Variants in GDPD2 observed in about 807,000 individuals in gnomAD.
GDPD2 encodes the protein glycerophosphodiester phosphodiesterase 3.
A neutral mutation model predicts 49.2 loss-of-function variants in GDPD2; 23 were observed. The ratio of observed to expected loss-of-function variants is 0.47; its 90% CI spans 0.34 to 0.66. GDPD2 has a LOEUF of 0.66. GDPD2 is among the 30% of genes least tolerant of loss of function. GDPD2 has a pLI of 0.01. For synonymous variants in GDPD2, 167 were observed against 171.4 expected, an observed-to-expected ratio of 0.97 and a Z score of 0.20; for missense variants, 338 against 424.7, an observed-to-expected ratio of 0.80 and a Z score of 1.79.
chrX:70,430,208 C>A, intron 12 of GDPD2, 145 bp downstream of exon 12: 1 of 524,656 alleles, frequency 1.9e-6, no homozygotes, highest in Non-Finnish European at 3.1e-6. Context: ...GGTAGTATTG[C>A]AGGCTTTGGG....
intron 3 of GDPD2, 67 bp from the exon 4 acceptor site, chrX:70,425,696 C>G: frequency 1.6e-6 from 1 of 636,969 alleles, no homozygotes. Flanking sequence ...CCACCCACCC[C>G]ACCTCCCCTC....
chrX:70,432,929 G>A lies in GDPD2; in HGVS notation c.1556G>A (p.Arg519Lys). 1 of 1,195,076 alleles carries A rather than the reference G, an allele frequency of 8.4e-7. No homozygotes were observed. Among genetic ancestry groups the A allele is most frequent in the Non-Finnish European group, 1.1e-6 (1 of 880,334 alleles). Residue 519 changes from arginine to lysine, a missense_variant, in exon 15 of 16, where the codon AGA becomes AAA. Physicochemically the swap from Arg to Lys is conservative, Grantham distance 26. Around this residue, in one of 3 missense-constraint regions of GDPD2, gnomAD observed 253 missense variants for 330.4 expected, o/e 0.77. Coordinates refer to ENST00000374382, the MANE Select transcript of GDPD2 (RefSeq NM_017711.4). ...FLLQRRFVKK[R>K]GKTGLETAVL... ...CCCCACAGAAGATTTGTTAAGAAGAGAGGGAAAACTGGTAAGAACTTTCTC... is the reference window on the plus strand; with the variant it reads ...CCCCACAGAAGATTTGTTAAGAAGAAAGGGAAAACTGGTAAGAACTTTCTC...
intron 12 of GDPD2, 78 bp from the exon 13 acceptor site, chrX:70,432,229 G>A: frequency 1.1e-6 from 1 of 903,293 alleles, no homozygotes; most frequent in Non-Finnish European, 1.6e-6. Context: ...GTAGATTCAA[G>A]CACAGGCAGG....
intron 12 of GDPD2, chrX:70,431,100 T>C (rs1427727981): frequency 8.7e-7 from 1 of 1,147,571 alleles, no homozygotes; most frequent in Non-Finnish European, 1.2e-6. Context: ...CTCCCGGTTA[T>C]AAGCATGAGC....
At chrX:70,427,045 AG>A in intron 8 of GDPD2, 34 bp downstream of exon 8, 1 of 576,091 alleles carries the variant, frequency 1.7e-6, no homozygotes, top group Non-Finnish European at 2.8e-6. Context: ...GAGGGTGGGG[AG>A]GGTCTGCTCG....
intron 1 of GDPD2, among the ~76,000 whole-genome samples, chrX:70,423,968 A>G (rs1404380262): frequency 1.8e-5 from 2 of 111,414 alleles, no homozygotes; most frequent in African/African-American, 6.5e-5. Flanking sequence ...CTAAAATCAT[A>G]TTGTACCGAC....
intron 1 of GDPD2, among the ~76,000 whole-genome samples, chrX:70,423,916 CTT>C (rs2086399538): frequency 8.9e-6 from 1 of 111,785 alleles, no homozygotes; most frequent in Non-Finnish European, 1.9e-5. Flanking sequence ...TGCTCACACA[CTT>C]TGGGTGTATC....
chrX:70,426,392 C>T lies in GDPD2; in HGVS notation c.385C>T (p.Leu129=), dbSNP rs1381876250. The part of the protein sequence containing the change: ...LHKVLLLLIM[L]LVAAGLVGLD... ...CCAGGTGCTGCTGCTCCTCATTATG[C>T]TGCTTGTGGCGGCTGGCCTTGTGGG... The change falls in exon 6 of 16, where the codon CTG becomes TTG. Residue 129 remains leucine, a synonymous_variant. Coordinates refer to ENST00000374382, the MANE Select transcript of GDPD2 (RefSeq NM_017711.4). 8.3e-6 allele frequency: 10 copies of T among 1,210,341 alleles called. No individual in the cohort carries two copies. Among genetic ancestry groups the T allele is most frequent in the Non-Finnish European group, 1.1e-5 (10 of 895,034 alleles).
chrX:70,429,201 A>G (rs1306410805), intron 10 of GDPD2, among the ~76,000 whole-genome samples: 1 of 111,665 alleles, frequency 9.0e-6, no homozygotes, highest in African/African-American at 3.3e-5. Flanking sequence ...GCAGCTAGAA[A>G]GGGGCTGATG....
In GDPD2 at chrX:70,427,396, C is replaced by G. The variant is rs777478487; in HGVS notation, c.869C>G (p.Thr290Arg). ...NVASVFPTRITAHSSDFSWTE... is the reference protein window; with the variant it reads ...NVASVFPTRIRAHSSDFSWTE... ...GCCTCTGTATTCCCAACCCGAATCA[C>G]AGCCCACAGCAGTGACTTCTCCTGG... The change falls in exon 10 of 16, where the codon ACA (threonine) becomes AGA (arginine). Residue 290 changes from threonine (T) to arginine (R), a missense_variant. Around this residue, in one of 3 missense-constraint regions of GDPD2, gnomAD observed 253 missense variants for 330.4 expected, o/e 0.77. Transcript: ENST00000374382. The G allele has an allele frequency of 2.5e-6, 3 of 1,207,950 alleles. No individual in the cohort carries two copies. Among genetic ancestry groups the G allele is most frequent in the Admixed American group, 2.2e-5 (1 of 46,050 alleles).
intron 6 of GDPD2, 61 bp downstream of exon 6, chrX:70,426,530 T>C (rs1358893683): frequency 1.8e-6 from 2 of 1,082,994 alleles, no homozygotes; most frequent in Non-Finnish European, 2.6e-6. Flanking sequence ...CCCTAGAACA[T>C]ATCTCGCTCC....
chrX:70,426,866 G>A lies in GDPD2; in HGVS notation c.557G>A (p.Gly186Asp). The change falls in exon 8 of 16, where the codon GGT becomes GAT. Residue 186 changes from glycine (G) to aspartate (D), a missense_variant and splice_region_variant. This residue lies in a region of GDPD2 where 253 missense variants were observed against 330.4 expected (regional missense o/e 0.77). Coordinates refer to ENST00000374382, the MANE Select transcript of GDPD2 (RefSeq NM_017711.4). ...AAAGCCTGTCCCCCACTCCCCACAGGTCCCAAGATTCTGCTACTGCTCCTA... is the reference window on the plus strand; with the variant it reads ...AAAGCCTGTCCCCCACTCCCCACAGATCCCAAGATTCTGCTACTGCTCCTA... ...ADTFYRIHRR[G>D]PKILLLLLFF... is the part of the protein sequence containing the mutation. 8.3e-7 allele frequency: 1 copy of A among 1,210,391 alleles called. No homozygotes were observed. Among genetic ancestry groups the A allele is most frequent in the Non-Finnish European group, 1.1e-6 (1 of 894,375 alleles).
intron 1 of GDPD2, 81 bp downstream of exon 1, chrX:70,423,463 C>T (rs1347342033): frequency 3.6e-5 from 4 of 111,844 alleles, no homozygotes; most frequent in East Asian, 2.8e-4. Context: ...GGGATTGGGC[C>T]GGGGGATTGA....
rs745627490 is a variant in GDPD2, at chrX:70,432,434, C to A, written c.1435C>A (p.Arg479Ser). 1 of 1,210,308 alleles carries A rather than the reference C, an allele frequency of 8.3e-7. No homozygotes were observed. The highest frequency in any genetic ancestry group is 1.1e-6 in the Non-Finnish European group (1 of 894,273). Reference sequence around the variant, plus strand: ...CGACTGCCAGCTGCTGCAGCAGATGCGTTACCCTATCTGGCTTATTGTAAG... The same window carrying A: ...CGACTGCCAGCTGCTGCAGCAGATGAGTTACCCTATCTGGCTTATTGTAAG... ...TNDCQLLQQM[R>S]YPIWLITPQT... Residue 479 changes from arginine to serine, a missense_variant, in exon 13 of 16, where the codon CGT becomes AGT. Transcript: ENST00000374382.
At position 70,432,656 on chromosome X, in the gene GDPD2, C is replaced by T. The variant is rs777401011; in HGVS notation, c.1533C>T (p.Leu511=). 8.4e-6 allele frequency: 10 copies of T among 1,186,797 alleles called. No individual in the cohort carries two copies. The Admixed American group carries it at 2.2e-4, about 26-fold the overall frequency. ...STMLLLWTFL[L]QRRFVKKRGK... ...TGCTGCTTTTGTGGACCTTCCTCCTCCAAAGGTGAGTGCTTTGTGCCTCAG... is the reference window on the plus strand; with the variant it reads ...TGCTGCTTTTGTGGACCTTCCTCCTTCAAAGGTGAGTGCTTTGTGCCTCAG... The change falls in exon 14 of 16, where the codon CTC becomes CTT. Residue 511 remains leucine (L), a synonymous_variant. Coordinates refer to ENST00000374382, the MANE Select transcript of GDPD2 (RefSeq NM_017711.4).
chrX:70,425,357 G>A lies in GDPD2; in HGVS notation c.109G>A (p.Asp37Asn), dbSNP rs768189300. ...PRERMQTSKC[D>N]CIWFGLLFLT... ...TTTCTCTCCTGCCCCTTTGCAGTGC[G>A]ACTGTATCTGGTTTGGCCTGCTCTT... The change falls in exon 3 of 16, where the codon GAC becomes AAC. Residue 37 changes from aspartate (D) to asparagine (N), a missense_variant. Around this residue, in one of 3 missense-constraint regions of GDPD2, gnomAD observed 75 missense variants for 67.6 expected, o/e 1.11. Coordinates refer to ENST00000374382, the MANE Select transcript of GDPD2 (RefSeq NM_017711.4). 1.9e-5 allele frequency: 22 copies of A among 1,177,705 alleles called. No individual in the cohort carries two copies. Among genetic ancestry groups the A allele is most frequent in the African/African-American group, 8.8e-5 (5 of 56,562 alleles).
chrX:70,426,973 C>T lies in GDPD2; in HGVS notation c.664C>T (p.Pro222Ser), dbSNP rs758884834. 6.6e-6 allele frequency: 8 copies of T among 1,211,204 alleles called. No homozygotes were observed. Among genetic ancestry groups the T allele is most frequent in the Non-Finnish European group, 8.9e-6 (8 of 894,918 alleles). ...PCIMEPRDLP[P>S]KPGLVGHRGA... is the part of the protein sequence containing the mutation. The stretch of plus-strand genomic sequence containing the variant: ...CATCATGGAACCCAGAGACTTACCA[C>T]CCAAGCCTGGGCTGGTGGGACACCG... Residue 222 changes from proline to serine, a missense_variant, in exon 8 of 16, where the codon CCC becomes TCC. Pro to Ser is a moderately conservative substitution (Grantham distance 74). Transcript: ENST00000374382.
At chrX:70,425,184 G>T in intron 2 of GDPD2, 95 bp downstream of exon 2, 1 of 681,152 alleles carries the variant, frequency 1.5e-6, no homozygotes, top group Non-Finnish European at 2.3e-6. Flanking sequence ...ACAGCTTGGG[G>T]GAAGGGGCTC....
Position 70,432,733 on chromosome X carries a change from C to T in GDPD2, c.1538+72C>T, listed in dbSNP as rs1279621827. On this transcript the variant is annotated intron_variant, in intron 14 of 15. Transcript: ENST00000374382. Reference sequence around the variant, plus strand: ...GCCCTGGTGATGAGGCTGCTTCAGACTCACATATGCTGCCCAAGGCTTGGG... The same window carrying T: ...GCCCTGGTGATGAGGCTGCTTCAGATTCACATATGCTGCCCAAGGCTTGGG... 2.1e-5 allele frequency: 17 copies of T among 796,225 alleles called. No individual in the cohort carries two copies. In the East Asian group the frequency reaches 5.3e-4, roughly 25 times the overall value. The allele number at this position is 796,225 out of a possible 1,213,427, so 65.6% of individuals were successfully genotyped here.
Sources: gnomAD v4.1 joint callset for allele counts (sites outside exome capture counted in the v4.1 genomes callset) on GRCh38, gnomAD v4.1.1 for gene constraint, gnomAD v4.1.1 regional missense constraint, MANE v1.5 for transcripts, NCBI Gene and HGNC (gene_info 2026-07-23, HGNC 2026-07-21) for gene names.